The following FAM83E variants were observed in gnomAD, a reference collection of about 807,000 sequenced individuals.
FAM83E encodes scaffolding CK1 anchoring protein E.
A neutral mutation model predicts 34.3 loss-of-function variants in FAM83E; 29 were observed. The ratio of observed to expected loss-of-function variants is 0.85; its 90% confidence interval spans 0.63 to 1.15. The LOEUF is 1.15. Among genes scored for constraint, FAM83E ranks in the 50% most tolerant of loss-of-function variants. The pLI is 0.00. For synonymous variants in FAM83E, 312 were observed against 311.6 expected (o/e 1.00, Z -0.01); for missense variants, 697 against 685.0 (o/e 1.02, Z -0.20).
intron 6 of FAM83E, 68 bp downstream of exon 6, chr19:48,603,426 G>T: frequency 7.1e-7 from 1 of 1,403,900 alleles, no homozygotes; most frequent in Non-Finnish European, 9.3e-7. Context: ...AGCCTGGCTT[G>T]CACCACCCTG....
At position 48,614,728 on chromosome 19, in the gene FAM83E, C is replaced by A. The variant is rs933305278; in HGVS notation, c.-1276G>T. ...CTCACCCACACCGGCTAGTGCCGGG[C>A]TCAATGGCCTCCCTTCCAGTGCCTG... On this transcript the variant is annotated 5_prime_UTR_variant, in exon 2 of 7. Transcript: ENST00000263266. 249 of 981,358 alleles carry A rather than the reference C, an allele frequency of 2.5e-4. 1 individual carries two copies. Among genetic ancestry groups the A allele is most frequent in the Non-Finnish European group, 2.9e-4 (241 of 828,982 alleles). 60.8% of individuals were successfully genotyped at this position (981,358 alleles called of 1,614,324 possible).
At chr19:48,605,734 A>G (rs1386919867) in intron 5 of FAM83E, among the ~76,000 whole-genome samples, 1 of 151,888 alleles carries the variant, frequency 6.6e-6, no homozygotes, top group Non-Finnish European at 1.5e-5. Context: ...TATTTTTAGT[A>G]GAGATGGGGT....
At position 48,600,087 on chromosome 19, in the gene FAM83E, C is replaced by T. The variant is rs543732675; in HGVS notation, c.*1022G>A. Among the ~76,000 whole-genome samples, 7 of 151,050 alleles carry T rather than the reference C, an allele frequency of 4.6e-5. No homozygotes were observed. Among genetic ancestry groups the T allele is most frequent in the Non-Finnish European group, 8.9e-5 (6 of 67,668 alleles). Reference sequence around the variant, plus strand: ...CCCTGTGGCTGTACCACATTCCACTCCCTCAGTATTCAGCTCCTTGCCTCA... The same window carrying T: ...CCCTGTGGCTGTACCACATTCCACTTCCTCAGTATTCAGCTCCTTGCCTCA... On this transcript the variant is annotated 3_prime_UTR_variant, in exon 7 of 7. Transcript: ENST00000263266.
chr19:48,601,255 G>T lies in FAM83E; in HGVS notation c.1291C>A (p.Leu431Met). ...AGGCGGTGGGCGGGGGGCAGGGGCA[G>T]GGCACCGCCCCACGGAGGTCGGGAG... ...VDSRPPWGGA[L>M]PLPPAHRLRY... The change falls in exon 7 of 7, where the codon CTG becomes ATG. Residue 431 changes from leucine (L) to methionine (M), a missense_variant. Coordinates refer to ENST00000263266, the MANE Select transcript of FAM83E (RefSeq NM_017708.4). 1 of 1,602,340 alleles carries T rather than the reference G, an allele frequency of 6.2e-7. No homozygotes were observed. The highest frequency in any genetic ancestry group is 2.3e-5 in the East Asian group (1 of 44,314).
intron 5 of FAM83E, among the ~76,000 whole-genome samples, chr19:48,608,116 CTT>C (rs1215786338): frequency 1.3e-5 from 2 of 152,158 alleles, no homozygotes; most frequent in East Asian, 3.9e-4. Context: ...ATTGTTCTCT[CTT>C]TTTCTTTTTG....
At chr19:48,607,522 C>T (rs1973957534) in intron 5 of FAM83E, 1 of 917,890 alleles carries the variant, frequency 1.1e-6, no homozygotes, top group African/African-American at 1.7e-5. Context: ...GGGAAGCATC[C>T]CCAGGCCTGA....
At chr19:48,609,637 G>C (rs1386333497) in intron 5 of FAM83E, among the ~76,000 whole-genome samples, 1 of 152,118 alleles carries the variant, frequency 6.6e-6, no homozygotes, top group Non-Finnish European at 1.5e-5. Context: ...TGTTTGCCCA[G>C]TTTTCCAGAT....
At position 48,610,695 on chromosome 19, in the gene FAM83E, G is replaced by C. The variant is rs746337331; in HGVS notation, c.618C>G (p.Asn206Lys). 2 of 1,571,272 alleles carry C rather than the reference G, an allele frequency of 1.3e-6. No homozygotes were observed. The highest frequency in any genetic ancestry group is 3.7e-5 in the Admixed American group (2 of 53,670). ...CGGCCCCTACCTCCGTGTTCCAGGGGTTCACCCCCAGCTGCTGGGCCAGTT... is the reference window on the plus strand; with the variant it reads ...CGGCCCCTACCTCCGTGTTCCAGGGCTTCACCCCCAGCTGCTGGGCCAGTT... ...FLELAQQLGV[N>K]PWNTENVDVR... The change falls in exon 4 of 7, where the codon AAC becomes AAG. Residue 206 changes from asparagine (N) to lysine (K), a missense_variant. Asn to Lys is a moderately conservative substitution (Grantham distance 94). Coordinates refer to ENST00000263266, the MANE Select transcript of FAM83E (RefSeq NM_017708.4).
chr19:48,602,172 G>A (rs1301682387), intron 6 of FAM83E, among the ~76,000 whole-genome samples: 1 of 147,134 alleles, frequency 6.8e-6, no homozygotes, highest in Non-Finnish European at 1.5e-5. Flanking sequence ...AAAATGGGTG[G>A]AGGAGGTAAA....
intron 5 of FAM83E, among the ~76,000 whole-genome samples, chr19:48,605,572 T>C (rs1409259391): frequency 2.7e-5 from 4 of 148,140 alleles, no homozygotes; most frequent in African/African-American, 4.9e-5. Context: ...AAGATCCTAT[T>C]TTTTTTTTTT....
chr19:48,601,470 G>T, intron 6 of FAM83E, 101 bp from the exon 7 acceptor site: 1 of 1,488,188 alleles, frequency 6.7e-7, no homozygotes, highest in Non-Finnish European at 8.9e-7. Context: ...GAGAAGCAGC[G>T]AAAGTGACAG....
rs750954679 is a variant in FAM83E at position 48,603,649 on chromosome 19, C to G, written c.1021G>C (p.Val341Leu). The G allele has an allele frequency of 2.0e-5, 26 of 1,331,752 alleles. No homozygotes were observed. In the East Asian group the frequency reaches 6.8e-4, roughly 35 times the overall value. The allele number at this position is 1,331,752 out of a possible 1,614,324, so 82.5% of individuals were successfully genotyped here. A position where few individuals can be genotyped will look rare whatever the true frequency, so the allele number is the denominator to read the frequency against. ...PLAHRLAACR[V>L]SPATPGPALS... ...GCCGGCCCCGGGGTAGCAGGGGAGA[C>G]GCGGCAGGCGGCCAGGCGGTGGGCC... is the stretch of plus-strand genomic sequence containing the variant. The change falls in exon 6 of 7, where the codon GTC becomes CTC. Residue 341 changes from valine (V) to leucine (L), a missense_variant. Val to Leu is a conservative substitution (Grantham distance 32). Coordinates refer to ENST00000263266, the MANE Select transcript of FAM83E (RefSeq NM_017708.4).
At chr19:48,609,086 G>C (rs1973988885) in intron 5 of FAM83E, among the ~76,000 whole-genome samples, 1 of 151,992 alleles carries the variant, frequency 6.6e-6, no homozygotes. Context: ...CCATGACATA[G>C]AGGGGGAAAC....
chr19:48,602,447 C>G (rs1231138266), intron 6 of FAM83E, among the ~76,000 whole-genome samples: 5 of 151,030 alleles, frequency 3.3e-5, no homozygotes, highest in African/African-American at 4.9e-5. Context: ...TACAGAGGGA[C>G]AAGGAGCTGG....
rs987706936 is a variant in FAM83E at position 48,609,862 on chromosome 19, G to A, written c.758+14C>T. The stretch of plus-strand genomic sequence containing the variant: ...TAGGACGCCGGGAGGTGGGGGGCGG[G>A]GCGGGGGCTACACCTGTAGGATCCT... On this transcript the variant is annotated intron_variant, in intron 5 of 6. Transcript: ENST00000263266. 6.2e-7 allele frequency: 1 copy of A among 1,611,034 alleles called. No homozygotes were observed. Among genetic ancestry groups the A allele is most frequent in the Non-Finnish European group, 8.5e-7 (1 of 1,179,250 alleles).
rs62130309 is a variant in FAM83E, at chr19:48,600,480, C to T, written c.*629G>A. On this transcript the variant is annotated 3_prime_UTR_variant, in exon 7 of 7. Transcript: ENST00000263266. ...CCTCCTAAGTAGCTGGGATTACAGG[C>T]GCCCGCCACCACACCTGGCTAATTT... is the stretch of plus-strand genomic sequence containing the variant. 0.21 allele frequency among the ~76,000 whole-genome samples: 32,511 copies of T among 151,854 alleles called. 3,568 individuals are homozygous for T. Among genetic ancestry groups the T allele is most frequent in the East Asian group, 0.33 (1,670 of 5,110 alleles).
Position 48,609,952 on chromosome 19 carries a change from G to T in FAM83E, c.682C>A (p.Arg228=), listed in dbSNP as rs62130313. The change falls in exon 5 of 7, where the codon CGA becomes AGA. Residue 228 remains arginine, a synonymous_variant. Transcript: ENST00000263266. ...VRGCSFQSRW[R]RQVSGTVREK... is the part of the protein sequence containing the mutation. ...CGCACGGTGCCGCTCACCTGCCGTC[G>T]CCAGCGGCTCTGGAAGCTGCAGCCC... 2 of 1,612,900 alleles carry T rather than the reference G, an allele frequency of 1.2e-6. No homozygotes were observed. The highest frequency in any genetic ancestry group is 2.7e-5 in the African/African-American group (2 of 74,918).
chr19:48,611,318 A>G (rs1195764661), intron 3 of FAM83E, among the ~76,000 whole-genome samples: 3 of 151,362 alleles, frequency 2.0e-5, no homozygotes, highest in East Asian at 3.9e-4. Context: ...ACAGGCGCCC[A>G]CCACCACGCC....
intron 6 of FAM83E, among the ~76,000 whole-genome samples, chr19:48,602,045 G>A (rs2147637799): frequency 6.6e-6 from 1 of 151,028 alleles, no homozygotes; most frequent in Middle Eastern, 3.4e-3. Flanking sequence ...GGAAGGCTGA[G>A]GTGGGAGGAT....
Sources: gnomAD v4.1 joint callset for allele counts (sites outside exome capture counted in the v4.1 genomes callset) on GRCh38, gnomAD v4.1.1 for gene constraint, MANE v1.5 for transcripts, NCBI Gene and HGNC (gene_info 2026-07-23, HGNC 2026-07-21) for gene names.